STX12: variants seen among roughly 807,000 people sequenced by gnomAD.
STX12 encodes syntaxin 12.
In STX12, 17 loss-of-function variants were observed where a neutral mutation model predicts 42.2. The ratio of observed to expected loss-of-function variants is 0.40; its 90% CI spans 0.28 to 0.60. The LOEUF is 0.60. STX12 is among the 20% of genes least tolerant of loss of function. The probability of loss-of-function intolerance (pLI) is 0.39; values close to 1 mark genes in which losing one functional copy is unlikely to be tolerated. For missense variants in STX12, 297 were observed against 330.9 expected, an observed-to-expected ratio of 0.90 and a Z score of 0.79; for synonymous variants, 108 against 116.7, an observed-to-expected ratio of 0.93 and a Z score of 0.48.
At chr1:27,791,945 C>T in intron 2 of STX12, among the ~76,000 whole-genome samples, 1 of 149,384 alleles carries the variant, frequency 6.7e-6, no homozygotes, top group African/African-American at 2.5e-5. Flanking sequence ...GATCGCGCCA[C>T]AGCACTCCGG....
chr1:27,807,780 T>G (rs1193702275), intron 4 of STX12, among the ~76,000 whole-genome samples: 1 of 152,228 alleles, frequency 6.6e-6, no homozygotes, highest in African/African-American at 2.4e-5. Flanking sequence ...ATTGGAAACA[T>G]CCAGATGTCT....
chr1:27,777,705 T>G (rs910894728), intron 1 of STX12, among the ~76,000 whole-genome samples: 3 of 151,840 alleles, frequency 2.0e-5, no homozygotes, highest in Admixed American at 2.0e-4. Context: ...GCCAATATGG[T>G]GAAACCCTGT....
intron 3 of STX12, among the ~76,000 whole-genome samples, chr1:27,798,196 T>C (rs1234709136): frequency 6.6e-6 from 1 of 152,150 alleles, no homozygotes; most frequent in Non-Finnish European, 1.5e-5. Context: ...AAGGATTATT[T>C]ACATAAAATT....
chr1:27,813,077 G>A (rs2088915973), intron 6 of STX12, among the ~76,000 whole-genome samples: 1 of 152,124 alleles, frequency 6.6e-6, no homozygotes, highest in Admixed American at 6.5e-5. Context: ...CAGAGAAATA[G>A]GAACAGTTTT....
rs576887071 is a variant in STX12, at chr1:27,796,716, T to C, written c.288+3084T>C. Among the ~76,000 whole-genome samples, 22 of 151,868 alleles carry C rather than the reference T, an allele frequency of 1.4e-4. 1 individual carries two copies. In the South Asian group the frequency reaches 2.3e-3, roughly 16 times the overall value. On this transcript the variant is annotated intron_variant, in intron 3 of 8. Coordinates refer to ENST00000373943, the MANE Select transcript of STX12 (RefSeq NM_177424.3). ...CCTTTGTAAAGAGTTTTTTTTTTTTTTTTGGGACAGAGTTTCGCTCTTGTT... is the reference window on the plus strand; with the variant it reads ...CCTTTGTAAAGAGTTTTTTTTTTTTCTTTGGGACAGAGTTTCGCTCTTGTT...
In STX12 at chr1:27,817,887, T is replaced by C; in HGVS notation, c.613T>C (p.Leu205=). The C allele has an allele frequency of 6.2e-7, 1 of 1,614,108 alleles. No homozygotes were observed. Among genetic ancestry groups the C allele is most frequent in the Non-Finnish European group, 8.5e-7 (1 of 1,180,008 alleles). ...GGATGTCAATCAGATATTTAAAGAT[T>C]TGGCCATGATGATCCATGACCAGGG... ...ILDVNQIFKD[L]AMMIHDQGDL... is the part of the protein sequence containing the mutation. The change falls in exon 7 of 9, where the codon TTG becomes CTG. Residue 205 remains leucine, a synonymous_variant. Transcript: ENST00000373943.
chr1:27,792,594 G>A (rs1416121851), intron 2 of STX12, among the ~76,000 whole-genome samples: 1 of 151,706 alleles, frequency 6.6e-6, no homozygotes, highest in African/African-American at 2.4e-5. Flanking sequence ...TGGTGTGTTA[G>A]CCCATTTGGG....
rs542036997 is a variant in STX12, at chr1:27,804,092, A to G, written c.426+2277A>G. Among the ~76,000 whole-genome samples the G allele has an allele frequency of 1.3e-5, 2 of 152,280 alleles. 1 individual carries two copies. Among genetic ancestry groups the G allele is most frequent in the South Asian group, 4.1e-4 (2 of 4,826 alleles). ...CAACTCAATAGAACAAAAGTTGTCA[A>G]ACTTTTTAATCTCAGGAACCCATTA... On this transcript the variant is annotated intron_variant, in intron 4 of 8. Coordinates refer to ENST00000373943, the MANE Select transcript of STX12 (RefSeq NM_177424.3).
intron 1 of STX12, among the ~76,000 whole-genome samples, chr1:27,784,456 G>A (rs571039796): frequency 6.6e-6 from 1 of 152,266 alleles, no homozygotes; most frequent in Admixed American, 6.5e-5. Context: ...CTGACCTCAA[G>A]TGATCTGCCC....
At chr1:27,799,477 G>GTTTTTTTTTGT (rs2088811549) in intron 3 of STX12, among the ~76,000 whole-genome samples, 1 of 130,714 alleles carries the variant, frequency 7.7e-6, no homozygotes, top group African/African-American at 3.2e-5. Flanking sequence ...TCATTAGCTT[G>GTTTTTTTTTGT]TTTTTTTTTT....
intron 6 of STX12, among the ~76,000 whole-genome samples, chr1:27,814,370 A>G (rs2088925807): frequency 1.3e-5 from 2 of 151,946 alleles, no homozygotes; most frequent in South Asian, 4.2e-4. Context: ...CCTCTACAAA[A>G]AATAAAAAAT....
intron 1 of STX12, among the ~76,000 whole-genome samples, chr1:27,777,090 C>A (rs1329887808): frequency 1.3e-5 from 2 of 151,992 alleles, no homozygotes; most frequent in Non-Finnish European, 2.9e-5. Context: ...TTTCTGTGTG[C>A]GGGGGGAGTA....
chr1:27,790,495 G>T (rs1314776450), intron 2 of STX12, among the ~76,000 whole-genome samples: 1 of 152,142 alleles, frequency 6.6e-6, no homozygotes, highest in African/African-American at 2.4e-5. Context: ...GCTGATTGGT[G>T]CATTTTACAA....
intron 1 of STX12, 24 bp from the exon 2 acceptor site, chr1:27,789,538 A>T: frequency 6.3e-7 from 1 of 1,596,748 alleles, no homozygotes; most frequent in Non-Finnish European, 8.6e-7. Context: ...TTTTAAATAA[A>T]TCTTTTTCTT....
At chr1:27,806,781 G>C (rs991352667) in intron 4 of STX12, among the ~76,000 whole-genome samples, 1 of 152,148 alleles carries the variant, frequency 6.6e-6, no homozygotes, top group Non-Finnish European at 1.5e-5. Flanking sequence ...GGCTGGATAG[G>C]CCTCAGGAAA....
At chr1:27,815,974 G>A (rs561467118) in intron 6 of STX12, among the ~76,000 whole-genome samples, 43 of 152,128 alleles carry the variant, frequency 2.8e-4, no homozygotes, top group Non-Finnish European at 4.3e-4. Context: ...TCAGGAATTC[G>A]AGACCAGCCT....
chr1:27,779,710 T>G (rs2088653663), intron 1 of STX12, among the ~76,000 whole-genome samples: 2 of 152,140 alleles, frequency 1.3e-5, no homozygotes, highest in African/African-American at 4.8e-5. Context: ...CTACTCTTCC[T>G]TACTCTTTGC....
intron 6 of STX12, among the ~76,000 whole-genome samples, chr1:27,813,409 C>G (rs1222984696): frequency 6.6e-6 from 1 of 152,138 alleles, no homozygotes; most frequent in African/African-American, 2.4e-5. Flanking sequence ...CTTCTGACCT[C>G]AAGTGATCTG....
chr1:27,776,021 G>A (rs1021440969), intron 1 of STX12, among the ~76,000 whole-genome samples: 1 of 152,104 alleles, frequency 6.6e-6, no homozygotes, highest in Non-Finnish European at 1.5e-5. Flanking sequence ...AGGAAAGTGC[G>A]AATTGAATTC....
Sources: allele counts gnomAD v4.1 joint callset (sites outside exome capture counted in the v4.1 genomes callset), GRCh38; gene constraint gnomAD v4.1.1; transcripts MANE v1.5; gene names NCBI Gene and HGNC (gene_info 2026-07-23, HGNC 2026-07-21).